The following OSBPL9 variants were observed in gnomAD, a reference collection of about 807,000 sequenced individuals.
OSBPL9 encodes the protein oxysterol-binding protein-related protein 9.
A neutral mutation model predicts 106.6 loss-of-function variants in OSBPL9; 40 were observed. The ratio of observed to expected loss-of-function variants is 0.38; its 90% CI spans 0.29 to 0.49. The LOEUF is 0.49. OSBPL9 is among the 20% of genes least tolerant of loss of function. The pLI is 0.97. For missense variants in OSBPL9, 609 were observed against 887.2 expected (o/e 0.69, Z 3.98); for synonymous variants, 269 against 295.4 (o/e 0.91, Z 0.92).
intron 1 of OSBPL9, among the ~76,000 whole-genome samples, chr1:51,621,931 G>A (rs1248298579): frequency 6.6e-6 from 1 of 151,992 alleles, no homozygotes; most frequent in African/African-American, 2.4e-5. Flanking sequence ...AAGAATATAG[G>A]TGGAACCTAT....
At chr1:51,736,353 G>C (rs1665693218) in intron 4 of OSBPL9, among the ~76,000 whole-genome samples, 1 of 152,176 alleles carries the variant, frequency 6.6e-6, no homozygotes, top group Admixed American at 6.5e-5. Context: ...ATTTCTAAGA[G>C]ATAAATGTCA....
chr1:51,696,007 G>A (rs904782188), intron 3 of OSBPL9, among the ~76,000 whole-genome samples: 26 of 152,120 alleles, frequency 1.7e-4, no homozygotes, highest in Non-Finnish European at 7.4e-5. Flanking sequence ...AAGTAAAACC[G>A]GGAAGGTAGA....
chr1:51,772,302 C>T (rs796992260), intron 13 of OSBPL9, 120 bp downstream of exon 13: 8 of 792,562 alleles, frequency 1.0e-5, no homozygotes, highest in African/African-American at 5.2e-5. Context: ...ACTTGAGGTC[C>T]GGAGTTCAAG....
chr1:51,614,986 G>T (rs999568291), upstream of OSBPL9, among the ~76,000 whole-genome samples: 1 of 152,140 alleles, frequency 6.6e-6, no homozygotes, highest in Non-Finnish European at 1.5e-5. Flanking sequence ...TCCGCCCAGC[G>T]CAATGGCTCA....
upstream of OSBPL9, among the ~76,000 whole-genome samples, chr1:51,575,996 T>G (rs1401659836): frequency 6.6e-6 from 1 of 152,216 alleles, no homozygotes; most frequent in Non-Finnish European, 1.5e-5. Context: ...TTTCACAACT[T>G]ACTATTCTTT....
chr1:51,745,245 A>G (rs376949146), intron 4 of OSBPL9: 92 of 269,832 alleles, frequency 3.4e-4, no homozygotes, highest in African/African-American at 1.9e-3. Flanking sequence ...CTGGGAGCCA[A>G]TTACAGGGTT....
intron 20 of OSBPL9, 37 bp from the exon 21 acceptor site, chr1:51,785,771 A>G (rs772586847): frequency 5.1e-6 from 8 of 1,583,844 alleles, no homozygotes; most frequent in African/African-American, 2.7e-5. Flanking sequence ...AGAATTTTCA[A>G]CTTGAGACTA....
At chr1:51,709,346 G>GT (rs926099991) in intron 3 of OSBPL9, 1 of 215,976 alleles carries the variant, frequency 4.6e-6, no homozygotes, top group Non-Finnish European at 9.9e-6. Context: ...TTAGGGATAA[G>GT]TACAAGCAGG....
chr1:51,519,245 T>C, the OSBPL9 span: 5 of 1,237,128 alleles, frequency 4.0e-6, no homozygotes, highest in Admixed American at 3.1e-5. Context: ...GTTTCCATCA[T>C]GCAAGGGAGG....
intron 4 of OSBPL9, chr1:51,724,910 T>A (rs1337331418): frequency 1.6e-5 from 3 of 187,942 alleles, no homozygotes; most frequent in African/African-American, 7.1e-5. Context: ...AAAGGGTGTC[T>A]ATGCCATTTT....
the OSBPL9 span, among the ~76,000 whole-genome samples, chr1:51,525,255 A>G: frequency 6.6e-6 from 1 of 152,196 alleles, no homozygotes; most frequent in Admixed American, 6.5e-5. Flanking sequence ...CCCTTTTTGT[A>G]AAATGAGGAT....
chr1:51,782,488 A>ATT lies in OSBPL9; in HGVS notation c.1429-71_1429-70insTT. ...TGTGTGTAGAGCGAGCAGAGACCCCAATTACCAGATTCTCTGAAATGTCAT... is the reference window on the plus strand; with the variant it reads ...TGTGTGTAGAGCGAGCAGAGACCCCATTATTACCAGATTCTCTGAAATGTCAT... On this transcript the variant is annotated intron_variant, in intron 16 of 23. Transcript: ENST00000428468. The ATT allele has an allele frequency of 2.3e-6, 3 of 1,308,002 alleles. No homozygotes were observed. The South Asian group carries it at 4.0e-5, about 18-fold the overall frequency. 81.0% of individuals were successfully genotyped at this position (1,308,002 alleles called of 1,614,324 possible).
At chr1:51,786,360 A>G in intron 21 of OSBPL9, 166 bp from the exon 22 acceptor site, 1 of 577,448 alleles carries the variant, frequency 1.7e-6, no homozygotes, top group East Asian at 2.9e-5. Flanking sequence ...ACTACTGCCC[A>G]CTCAGTGTTC....
intron 1 of OSBPL9, among the ~76,000 whole-genome samples, chr1:51,649,247 C>T (rs1455491815): frequency 6.6e-6 from 1 of 152,172 alleles, no homozygotes; most frequent in East Asian, 1.9e-4. Context: ...GCTGGGATTA[C>T]AGGTGTGCAC....
At chr1:51,716,175 A>G (rs950546327) in intron 4 of OSBPL9, among the ~76,000 whole-genome samples, 6 of 152,272 alleles carry the variant, frequency 3.9e-5, no homozygotes, top group Non-Finnish European at 7.3e-5. Context: ...ATGTAATACA[A>G]GAGGTTTTTT....
rs1672465207 is a variant in OSBPL9, at chr1:51,765,965, C to G, written c.922C>G (p.Pro308Ala). ...ADEFHQSGSS[P>A]KRLIDSSGSA... ...TGAATTCCATCAAAGTGGCTCATCCCCAAAGCGCTTAATAGAGTGAGTAGA... is the reference window on the plus strand; with the variant it reads ...TGAATTCCATCAAAGTGGCTCATCCGCAAAGCGCTTAATAGAGTGAGTAGA... Residue 308 changes from proline to alanine, a missense_variant, in exon 12 of 24, where the codon CCA becomes GCA. Around this residue, in one of 5 missense-constraint regions of OSBPL9, gnomAD observed 356 missense variants for 505.8 expected, o/e 0.70. Transcript: ENST00000428468. 6 of 1,613,224 alleles carry G rather than the reference C, an allele frequency of 3.7e-6. No homozygotes were observed. Among genetic ancestry groups the G allele is most frequent in the Non-Finnish European group, 4.2e-6 (5 of 1,179,598 alleles).
rs199528667 is a variant in OSBPL9, at chr1:51,784,577, G to T, written c.1824G>T (p.Glu608Asp). The change falls in exon 20 of 24, where the codon GAG becomes GAT. Residue 608 changes from glutamate to aspartate, a missense_variant. Physicochemically the swap from Glu to Asp is conservative, Grantham distance 45. Around this residue, in one of 5 missense-constraint regions of OSBPL9, gnomAD observed 132 missense variants for 158.1 expected, o/e 0.83. Coordinates refer to ENST00000428468, the MANE Select transcript of OSBPL9 (RefSeq NM_024586.6). ...GCAAGAAGCACAGAATTACTGCCGA[G>T]ATTTTGTAGGTATTTTTTCTGCCTT... Reference protein sequence around the residue: ...YGGKKHRITAEIFSPNDKKSF... With the variant: ...YGGKKHRITADIFSPNDKKSF... The T allele has an allele frequency of 1.2e-6, 2 of 1,613,900 alleles. No individual in the cohort carries two copies. The highest frequency in any genetic ancestry group is 1.3e-5 in the African/African-American group (1 of 75,044).
upstream of OSBPL9, among the ~76,000 whole-genome samples, chr1:51,616,494 G>A (rs1238444704): frequency 6.6e-6 from 1 of 152,040 alleles, no homozygotes; most frequent in Admixed American, 6.6e-5. Flanking sequence ...TCCCTCCTTC[G>A]CTTTCTTCAG....
At chr1:51,644,449 T>C (rs973470797) in intron 1 of OSBPL9, among the ~76,000 whole-genome samples, 3 of 152,120 alleles carry the variant, frequency 2.0e-5, no homozygotes, top group African/African-American at 7.2e-5. Flanking sequence ...TGCCTCAGCC[T>C]CCCTAGTAGC....
Sources: allele counts gnomAD v4.1 joint callset (sites outside exome capture counted in the v4.1 genomes callset), GRCh38; gene constraint gnomAD v4.1.1; regional missense constraint gnomAD v4.1.1; transcripts MANE v1.5; gene names NCBI Gene and HGNC (gene_info 2026-07-23, HGNC 2026-07-21).